TMEM260: variants seen among roughly 807,000 people sequenced by gnomAD.
The protein encoded by TMEM260 is transmembrane protein 260.
In TMEM260, 82 loss-of-function variants were observed where a neutral mutation model predicts 88.9. The observed-to-expected ratio is 0.92, with a 90% CI of 0.77 to 1.11. The LOEUF (loss-of-function observed/expected upper bound fraction) is 1.11, where lower values mean the gene tolerates loss of function less well. Ranked by LOEUF, TMEM260 falls within the 50% of genes least tolerant of loss-of-function variation. The pLI, the probability that TMEM260 is intolerant of heterozygous loss-of-function variation, is 0.00. For missense variants in TMEM260, 902 were observed against 853.4 expected, an observed-to-expected ratio of 1.06 and a Z score of -0.71; for synonymous variants, 314 against 309.3, an observed-to-expected ratio of 1.02 and a Z score of -0.16.
chr14:56,622,015 T>C (rs1270906547), intron 11 of TMEM260, among the ~76,000 whole-genome samples: 1 of 152,044 alleles, frequency 6.6e-6, no homozygotes, highest in Non-Finnish European at 1.5e-5. Context: ...ACCATAAAAG[T>C]GTTTGTTGTA....
At chr14:56,627,617 A>G (rs952286356) in intron 12 of TMEM260, among the ~76,000 whole-genome samples, 1 of 152,154 alleles carries the variant, frequency 6.6e-6, no homozygotes, top group Non-Finnish European at 1.5e-5. Flanking sequence ...TACTAACTCA[A>G]AGGACATGCA....
chr14:56,587,016 A>G (rs945018721), intron 3 of TMEM260, among the ~76,000 whole-genome samples: 1 of 151,588 alleles, frequency 6.6e-6, no homozygotes, highest in African/African-American at 2.4e-5. Context: ...TACTATTAAT[A>G]TTTTTCTTTT....
rs373040472 is a variant in TMEM260, at chr14:56,581,422, A to C, written c.160+1348A>C. Reference sequence around the variant, plus strand: ...ATAGTGTTTCATTCGTGTAGTAGGGAGTTTCTGTACAGTGTTACCAAGATT... The same window carrying C: ...ATAGTGTTTCATTCGTGTAGTAGGGCGTTTCTGTACAGTGTTACCAAGATT... On this transcript the variant is annotated intron_variant, in intron 1 of 15. Coordinates refer to ENST00000261556, the MANE Select transcript of TMEM260 (RefSeq NM_017799.4). Among the ~76,000 whole-genome samples, 13 of 152,246 alleles carry C rather than the reference A, an allele frequency of 8.5e-5. No individual in the cohort carries two copies. The East Asian group carries it at 2.3e-3, about 27-fold the overall frequency.
At chr14:56,591,131 A>G (rs1441153010) in intron 3 of TMEM260, among the ~76,000 whole-genome samples, 3 of 152,210 alleles carry the variant, frequency 2.0e-5, no homozygotes, top group Non-Finnish European at 1.5e-5. Context: ...AAACATTTAA[A>G]TTGCTAAATC....
At chr14:56,600,664 A>G (rs1408438409) in intron 3 of TMEM260, among the ~76,000 whole-genome samples, 1 of 152,160 alleles carries the variant, frequency 6.6e-6, no homozygotes, top group African/African-American at 2.4e-5. Flanking sequence ...GGCTAGAATT[A>G]AAAAGCTAAA....
chr14:56,650,572 T>C (rs980814718), downstream of TMEM260: 5 of 152,668 alleles, frequency 3.3e-5, no homozygotes, highest in African/African-American at 1.2e-4. Flanking sequence ...TAGTGTATTA[T>C]TTTGAAAGCT....
chr14:56,602,164 T>TA (rs1314432594), intron 3 of TMEM260, among the ~76,000 whole-genome samples: 3 of 152,160 alleles, frequency 2.0e-5, no homozygotes, highest in African/African-American at 7.2e-5. Context: ...AAAACAATGG[T>TA]AAAGTAATTG....
intron 2 of TMEM260, 39 bp from the exon 3 acceptor site, chr14:56,585,722 T>C: frequency 6.3e-7 from 1 of 1,595,690 alleles, no homozygotes; most frequent in South Asian, 1.1e-5. Context: ...CTTCCTTTCC[T>C]AGATGAAAAC....
At chr14:56,626,745 C>T (rs1057208955) in intron 12 of TMEM260, among the ~76,000 whole-genome samples, 1 of 152,062 alleles carries the variant, frequency 6.6e-6, no homozygotes, top group Non-Finnish European at 1.5e-5. Flanking sequence ...AATTGCATGT[C>T]CAAAATGTTC....
At position 56,612,262 on chromosome 14, in the gene TMEM260, A is replaced by G. The variant is rs771290808; in HGVS notation, c.834A>G (p.Gly278=). 6.2e-6 allele frequency: 10 copies of G among 1,613,612 alleles called. No homozygotes were observed. The highest frequency in any genetic ancestry group is 7.6e-6 in the Non-Finnish European group (9 of 1,179,714). Residue 278 remains glycine, a synonymous_variant, in exon 7 of 16, where the codon GGA becomes GGG. Coordinates refer to ENST00000261556, the MANE Select transcript of TMEM260 (RefSeq NM_017799.4). ...GTGTTTAGGCCAAATCTGAAATAGG[A>G]TCCAGTATGTCTGAAATACTGCTGT... The part of the protein sequence containing the change: ...GTFSLAKSEI[G]SSMSEILLSQ...
At chr14:56,636,631 T>TAAA in intron 15 of TMEM260, 33 bp downstream of exon 15, 1 of 1,572,330 alleles carries the variant, frequency 6.4e-7, no homozygotes, top group Non-Finnish European at 8.8e-7. Context: ...GATATAGATA[T>TAAA]ATTTGGTGGG....
intron 15 of TMEM260, among the ~76,000 whole-genome samples, chr14:56,640,764 A>C (rs1324780833): frequency 2.0e-5 from 3 of 152,204 alleles, no homozygotes; most frequent in Admixed American, 2.0e-4. Flanking sequence ...AATTAGACAA[A>C]TGGATAACTA....
At chr14:56,580,570 A>G (rs564314929) in intron 1 of TMEM260, among the ~76,000 whole-genome samples, 13 of 152,296 alleles carry the variant, frequency 8.5e-5, no homozygotes, top group Non-Finnish European at 1.3e-4. Flanking sequence ...GGGGGTAAGT[A>G]GTGGGTCCTT....
downstream of TMEM260, among the ~76,000 whole-genome samples, chr14:56,654,621 C>G (rs1236163222): frequency 2.0e-5 from 3 of 151,834 alleles, no homozygotes; most frequent in African/African-American, 7.3e-5. Context: ...GAGTTCGAGA[C>G]CAGCCTGAGG....
chr14:56,643,025 C>T (rs1467489034), intron 15 of TMEM260, among the ~76,000 whole-genome samples: 1 of 152,152 alleles, frequency 6.6e-6, no homozygotes, highest in South Asian at 2.1e-4. Context: ...TAATTAATAG[C>T]TTACCAACCA....
the TMEM260 span, among the ~76,000 whole-genome samples, chr14:56,659,512 G>C: frequency 0.095 from 14,508 of 152,242 alleles, 1,301 homozygotes; most frequent in African/African-American, 0.23. Flanking sequence ...TAGCTGTCTA[G>C]GTGGACCTGG....
At chr14:56,637,869 G>A (rs1889234271) in intron 15 of TMEM260, among the ~76,000 whole-genome samples, 1 of 146,426 alleles carries the variant, frequency 6.8e-6, no homozygotes, top group Non-Finnish European at 1.5e-5. Flanking sequence ...CTATCAAAAA[G>A]GTGGCAGGCT....
intron 3 of TMEM260, among the ~76,000 whole-genome samples, chr14:56,592,663 T>A (rs969274137): frequency 6.6e-6 from 1 of 152,144 alleles, no homozygotes; most frequent in Non-Finnish European, 1.5e-5. Context: ...GGTGGTAGAT[T>A]TGCTGTTTAT....
At chr14:56,609,629 GA>G (rs200927177) in intron 6 of TMEM260, among the ~76,000 whole-genome samples, 4 of 151,752 alleles carry the variant, frequency 2.6e-5, no homozygotes, top group East Asian at 1.9e-4. Context: ...AAGATCGAAG[GA>G]AAAAAAATCC....
Sources: allele counts gnomAD v4.1 joint callset (sites outside exome capture counted in the v4.1 genomes callset), GRCh38; gene constraint gnomAD v4.1.1; transcripts MANE v1.5; gene names NCBI Gene and HGNC (gene_info 2026-07-23, HGNC 2026-07-21).